IL1RAPL1: variants seen among roughly 807,000 people sequenced by gnomAD.
IL1RAPL1 encodes the protein interleukin 1 receptor accessory protein like 1, also known as interleukin-1 receptor accessory protein-like 1.
A neutral mutation model predicts 48.4 loss-of-function variants in IL1RAPL1; 3 were observed. The ratio of observed to expected loss-of-function variants is 0.06; its 90% CI spans 0.03 to 0.16. The LOEUF (loss-of-function observed/expected upper bound fraction) is 0.16, where lower values mean the gene tolerates loss of function less well. Ranked by LOEUF, IL1RAPL1 falls within the 10% of genes least tolerant of loss-of-function variation. The probability of loss-of-function intolerance (pLI) is 1.00; values close to 1 mark genes in which losing one functional copy is unlikely to be tolerated. For missense variants in IL1RAPL1, 349 were observed against 530.6 expected (o/e 0.66, Z 3.36); for synonymous variants, 185 against 187.7 (o/e 0.99, Z 0.12).
chrX:28,965,486 C>T (rs757078896), intron 2 of IL1RAPL1, among the ~76,000 whole-genome samples: 1 of 111,666 alleles, frequency 9.0e-6, no homozygotes, highest in Non-Finnish European at 1.9e-5. Flanking sequence ...TAATTCAGTT[C>T]TTTTACCTAG....
intron 2 of IL1RAPL1, among the ~76,000 whole-genome samples, chrX:28,819,983 TATATATATA>T (rs1569179983): frequency 1.4e-5 from 1 of 69,536 alleles, no homozygotes; most frequent in African/African-American, 6.0e-5. Context: ...TATATATATA[TATATATATA>T]TATATATATA....
chrX:29,295,799 G>A (rs1186004585), intron 3 of IL1RAPL1, among the ~76,000 whole-genome samples: 5 of 111,256 alleles, frequency 4.5e-5, no homozygotes, highest in African/African-American at 1.6e-4. Context: ...AGACTGAAAG[G>A]AACAAAGGAC....
At chrX:29,217,271 T>A (rs1930887718) in intron 2 of IL1RAPL1, among the ~76,000 whole-genome samples, 1 of 112,326 alleles carries the variant, frequency 8.9e-6, no homozygotes, top group African/African-American at 3.2e-5. Context: ...GACCCAATAA[T>A]AGATACAACT....
intron 2 of IL1RAPL1, among the ~76,000 whole-genome samples, chrX:29,178,807 T>C (rs1366142942): frequency 1.8e-5 from 2 of 112,210 alleles, no homozygotes; most frequent in East Asian, 5.6e-4. Flanking sequence ...TTCAGCTTTC[T>C]ACATATGGCT....
At chrX:29,758,714 A>G (rs1928679950) in intron 6 of IL1RAPL1, among the ~76,000 whole-genome samples, 1 of 110,324 alleles carries the variant, frequency 9.1e-6, no homozygotes, top group Non-Finnish European at 1.9e-5. Context: ...AAAAATAATA[A>G]TAATAATACA....
chrX:28,831,092 A>T (rs181260453), intron 2 of IL1RAPL1, among the ~76,000 whole-genome samples: 66 of 82,550 alleles, frequency 8.0e-4, no homozygotes, highest in African/African-American at 3.1e-3. Flanking sequence ...ATGTGTAAGC[A>T]CATTTTCAAT....
chrX:29,921,050 A>G (rs1055708130), intron 8 of IL1RAPL1, among the ~76,000 whole-genome samples: 2 of 111,340 alleles, frequency 1.8e-5, no homozygotes, highest in Non-Finnish European at 3.8e-5. Context: ...GTTAAGTGCA[A>G]TGTCTGTTGT....
chrX:28,897,909 G>A (rs1026528848), intron 2 of IL1RAPL1, among the ~76,000 whole-genome samples: 1 of 111,193 alleles, frequency 9.0e-6, no homozygotes, highest in Non-Finnish European at 1.9e-5. Context: ...GGGCAGGAGT[G>A]GGGGTCAGAA....
chrX:29,637,800 A>G, intron 5 of IL1RAPL1, among the ~76,000 whole-genome samples: 1 of 112,173 alleles, frequency 8.9e-6, no homozygotes. Flanking sequence ...TCTGTTGCAT[A>G]GTAAATACCC....
intron 5 of IL1RAPL1, among the ~76,000 whole-genome samples, chrX:29,607,316 A>G (rs1923925425): frequency 8.9e-6 from 1 of 111,892 alleles, no homozygotes; most frequent in Non-Finnish European, 1.9e-5. Flanking sequence ...TACAATATAC[A>G]GATAGTCTTC....
chrX:29,328,055 T>C (rs1173669430), intron 3 of IL1RAPL1, among the ~76,000 whole-genome samples: 1 of 112,179 alleles, frequency 8.9e-6, no homozygotes, highest in Non-Finnish European at 1.9e-5. Flanking sequence ...TAAGTATTGA[T>C]TTATATTAGT....
intron 3 of IL1RAPL1, among the ~76,000 whole-genome samples, chrX:29,303,825 G>C (rs1932575411): frequency 8.9e-6 from 1 of 111,932 alleles, no homozygotes; most frequent in African/African-American, 3.2e-5. Context: ...GAGCATCTTT[G>C]TTTGTTAATA....
chrX:29,542,200 G>C (rs1052257221), intron 5 of IL1RAPL1, among the ~76,000 whole-genome samples: 1 of 111,019 alleles, frequency 9.0e-6, no homozygotes, highest in African/African-American at 3.3e-5. Flanking sequence ...ACTGAAATCA[G>C]GTGTTCTACA....
At chrX:29,803,054 C>CAT (rs1255217962) in intron 6 of IL1RAPL1, among the ~76,000 whole-genome samples, 2 of 35,579 alleles carry the variant, frequency 5.6e-5, no homozygotes, top group African/African-American at 2.6e-4. Flanking sequence ...TATATGTGTA[C>CAT]ATATATATGT....
At chrX:29,037,156 A>G (rs905914589) in intron 2 of IL1RAPL1, among the ~76,000 whole-genome samples, 5 of 112,043 alleles carry the variant, frequency 4.5e-5, no homozygotes, top group African/African-American at 1.6e-4. Context: ...TCATGTATGA[A>G]CATAAATATG....
At chrX:29,369,512 C>T (rs1933515175) in intron 3 of IL1RAPL1, 1 of 111,397 alleles carries the variant, frequency 9.0e-6, no homozygotes, top group Non-Finnish European at 1.9e-5. Context: ...CAGACTGGGC[C>T]CACTACATTG....
Position 28,987,432 on chromosome X carries a change from A to G in IL1RAPL1, c.82+198007A>G, listed in dbSNP as rs1017140490. On this transcript the variant is annotated intron_variant, in intron 2 of 10. Coordinates refer to ENST00000378993, the MANE Select transcript of IL1RAPL1 (RefSeq NM_014271.4). ...CCTGCCTGCTCCCTTATCTGGGTTA[A>G]ATGCTGTGGTAAACTTCTCTTTTGG... Among the ~76,000 whole-genome samples, 4 of 112,019 alleles carry G rather than the reference A, an allele frequency of 3.6e-5. No individual in the cohort carries two copies. The East Asian group carries it at 1.1e-3, about 31-fold the overall frequency.
rs767760402 is a variant in IL1RAPL1, at chrX:29,290,497, G to A, written c.362+7280G>A. ...ACCTGAACAATACATATTTATTTCTGGATGAAAATCCAGTTTATGTTTACT... is the reference window on the plus strand; with the variant it reads ...ACCTGAACAATACATATTTATTTCTAGATGAAAATCCAGTTTATGTTTACT... On this transcript the variant is annotated intron_variant, in intron 3 of 10. Transcript: ENST00000378993. 3.6e-5 allele frequency among the ~76,000 whole-genome samples: 4 copies of A among 112,133 alleles called. No individual in the cohort carries two copies. The East Asian group carries it at 1.1e-3, about 31-fold the overall frequency.
intron 2 of IL1RAPL1, among the ~76,000 whole-genome samples, chrX:28,832,754 A>G (rs1438387738): frequency 3.0e-4 from 32 of 108,302 alleles, no homozygotes; most frequent in African/African-American, 1.0e-3. Flanking sequence ...TTTTTTTAAA[A>G]CCTTAGTAGT....
Sources: gnomAD v4.1 joint callset for allele counts (sites outside exome capture counted in the v4.1 genomes callset) on GRCh38, gnomAD v4.1.1 for gene constraint, MANE v1.5 for transcripts, NCBI Gene and HGNC (gene_info 2026-07-23, HGNC 2026-07-21) for gene names.